Variants in SMAD6 observed in about 807,000 individuals in gnomAD.
The protein encoded by SMAD6 is MAD homolog 6.
A neutral mutation model predicts 39.4 loss-of-function variants in SMAD6; 103 were observed. The observed-to-expected ratio is 2.62, with a 90% CI of 2.23 to 3.08. SMAD6 has a LOEUF of 3.08. Ranked by LOEUF, SMAD6 falls within the 30% of genes most tolerant of loss-of-function variation. The pLI is 0.00. For synonymous variants in SMAD6, 445 were observed against 353.3 expected (o/e 1.26, Z -2.91); for missense variants, 1,104 against 742.9 (o/e 1.49, Z -5.65).
At chr15:66,705,770 GGA>G (rs2140586027) in intron 1 of SMAD6, 1 of 153,126 alleles carries the variant, frequency 6.5e-6, no homozygotes, top group Non-Finnish European at 1.5e-5. Flanking sequence ...GATTTATGGG[GGA>G]GAGATGGGGG....
intron 3 of SMAD6, among the ~76,000 whole-genome samples, chr15:66,730,709 T>C (rs1201105159): frequency 6.6e-6 from 1 of 152,224 alleles, no homozygotes; most frequent in Non-Finnish European, 1.5e-5. Flanking sequence ...TGGCAGACAC[T>C]GTGCTGTTTC....
At position 66,782,779 on chromosome 15, in the gene SMAD6, T is replaced by A. The variant is rs1263912641; in HGVS notation, c.*1244T>A. The A allele has an allele frequency of 6.6e-6, 1 of 152,270 alleles. No homozygotes were observed. The highest frequency in any genetic ancestry group is 1.5e-5 in the Non-Finnish European group (1 of 68,042). The allele number at this position is 152,270 out of a possible 1,614,324, so 9.4% of individuals were successfully genotyped here. On this transcript the variant is annotated 3_prime_UTR_variant, in exon 4 of 4. Coordinates refer to ENST00000288840, the MANE Select transcript of SMAD6 (RefSeq NM_005585.5). ...ATATCTTTTTTCTTGGAGATTTATA[T>A]TAACATATTAAGTGCTCTGAGAAGT...
At chr15:66,755,018 C>G (rs1044281947) in intron 3 of SMAD6, among the ~76,000 whole-genome samples, 1 of 152,180 alleles carries the variant, frequency 6.6e-6, no homozygotes, top group African/African-American at 2.4e-5. Flanking sequence ...AGGCAAACAC[C>G]TTACCTTCTC....
Position 66,747,993 on chromosome 15 carries a change from G to A in SMAD6, c.952+31495G>A, listed in dbSNP as rs1237001825. Among the ~76,000 whole-genome samples the A allele has an allele frequency of 6.6e-6, 1 of 152,146 alleles. No individual in the cohort carries two copies. Among genetic ancestry groups the A allele is most frequent in the Non-Finnish European group, 1.5e-5 (1 of 68,032 alleles). ...CACAGCCACCCCCACGCCCTAACTT[G>A]CCCCATTGTAGCCAGACCACTCCTT... On this transcript the variant is annotated intron_variant, in intron 3 of 3. Transcript: ENST00000288840. The surrounding 1 kb of genome is among the most constrained non-coding windows in gnomAD (Gnocchi z 4.5).
chr15:66,781,443 A>G lies in SMAD6; in HGVS notation c.1399A>G (p.Ser467Gly). 6.2e-7 allele frequency: 1 copy of G among 1,605,208 alleles called. No homozygotes were observed. The highest frequency in any genetic ancestry group is 8.5e-7 in the Non-Finnish European group (1 of 1,178,154). The change falls in exon 4 of 4, where the codon AGC becomes GGC. Residue 467 changes from serine (S) to glycine (G), a missense_variant. Coordinates refer to ENST00000288840, the MANE Select transcript of SMAD6 (RefSeq NM_005585.5). ...GPYDPNSVRISFAKGWGPCYS... is the reference protein window; with the variant it reads ...GPYDPNSVRIGFAKGWGPCYS... The stretch of plus-strand genomic sequence containing the variant: ...CTACGACCCCAACAGCGTCCGCATC[A>G]GCTTCGCCAAGGGCTGGGGGCCCTG...
rs1894459705 is a variant in SMAD6 at position 66,775,932 on chromosome 15, G to C, written c.953-5065G>C. 2.0e-5 allele frequency among the ~76,000 whole-genome samples: 3 copies of C among 152,304 alleles called. No homozygotes were observed. In the South Asian group the frequency reaches 6.2e-4, roughly 32 times the overall value. On this transcript the variant is annotated intron_variant, in intron 3 of 3. Transcript: ENST00000288840. Reference sequence around the variant, plus strand: ...CAGGGGGAGGGGGCTGTGCAGCTGTGGGAAGTACAGAGTGGGGACCATGGG... The same window carrying C: ...CAGGGGGAGGGGGCTGTGCAGCTGTCGGAAGTACAGAGTGGGGACCATGGG...
chr15:66,714,200 A>G (rs1893284007), intron 2 of SMAD6, among the ~76,000 whole-genome samples: 1 of 152,184 alleles, frequency 6.6e-6, no homozygotes, highest in South Asian at 2.1e-4. Context: ...AGCAGCAAAA[A>G]TCAGGACACT....
chr15:66,735,586 T>TG (rs1395214981), intron 3 of SMAD6, among the ~76,000 whole-genome samples: 2 of 152,230 alleles, frequency 1.3e-5, no homozygotes, highest in Non-Finnish European at 2.9e-5. Flanking sequence ...CAAAGTTTAT[T>TG]GGGGGGCGTG....
intron 3 of SMAD6, among the ~76,000 whole-genome samples, chr15:66,731,444 A>AT: frequency 6.6e-6 from 1 of 151,720 alleles, no homozygotes; most frequent in East Asian, 1.9e-4. Flanking sequence ...TCTCAAAAAA[A>AT]AAAAAAAAAA....
Position 66,757,350 on chromosome 15 carries a change from G to A in SMAD6, c.953-23647G>A, listed in dbSNP as rs74019778. ...AGCAAGAAATGCCGCTTTCCTTTCA[G>A]CTTGGGGATCCCCTCCAGCCACCCT... is the stretch of plus-strand genomic sequence containing the variant. On this transcript the variant is annotated intron_variant, in intron 3 of 3. Coordinates refer to ENST00000288840, the MANE Select transcript of SMAD6 (RefSeq NM_005585.5). Among the ~76,000 whole-genome samples the A allele has an allele frequency of 5.0e-3, 758 of 152,266 alleles. 9 individuals are homozygous for A. The highest frequency in any genetic ancestry group is 0.017 in the African/African-American group (719 of 41,560).
chr15:66,745,592 A>G (rs1351149786), intron 3 of SMAD6, among the ~76,000 whole-genome samples: 1 of 152,170 alleles, frequency 6.6e-6, no homozygotes, highest in African/African-American at 2.4e-5. Flanking sequence ...TATTTTGGTG[A>G]TCAGACTACT....
At position 66,703,723 on chromosome 15, in the gene SMAD6, C is replaced by T. The variant is rs1263618238; in HGVS notation, c.465C>T (p.Gly155=). The T allele has an allele frequency of 3.7e-6, 5 of 1,350,498 alleles. No individual in the cohort carries two copies. Among genetic ancestry groups the T allele is most frequent in the South Asian group, 1.8e-5 (1 of 56,942 alleles). 83.7% of individuals were successfully genotyped at this position (1,350,498 alleles called of 1,614,324 possible). A position where few individuals can be genotyped will look rare whatever the true frequency, so the allele number is the denominator to read the frequency against. ...GGGCGGCCCTGGAGCCGGCGGGCGG[C>T]GGGCGGAGTCGCGAAGCGCGCTCGC... is the stretch of plus-strand genomic sequence containing the variant. ...LAGAALEPAG[G]GRSREARSRL... Residue 155 remains glycine (G), a synonymous_variant, in exon 1 of 4, where the codon GGC becomes GGT. Coordinates refer to ENST00000288840, the MANE Select transcript of SMAD6 (RefSeq NM_005585.5).
chr15:66,726,085 C>T (rs1227359691), intron 3 of SMAD6, among the ~76,000 whole-genome samples: 3 of 152,204 alleles, frequency 2.0e-5, no homozygotes, highest in Non-Finnish European at 4.4e-5. Context: ...CCTGAGGAGG[C>T]TACTGGGCCC....
chr15:66,745,726 G>A (rs1893896109), intron 3 of SMAD6, among the ~76,000 whole-genome samples: 1 of 152,170 alleles, frequency 6.6e-6, no homozygotes, highest in South Asian at 2.1e-4. Flanking sequence ...CTCTGCCTCC[G>A]GCTTGCTGTG....
At chr15:66,739,533 G>A (rs56874384) in intron 3 of SMAD6, among the ~76,000 whole-genome samples, 3,020 of 152,300 alleles carry the variant, frequency 0.02, 97 homozygotes, top group African/African-American at 0.069. Flanking sequence ...AGGTGTTGGC[G>A]GAGGGGAGGG....
chr15:66,714,558 C>G lies in SMAD6; in HGVS notation c.875-1863C>G, dbSNP rs543384785. Among the ~76,000 whole-genome samples, 11 of 152,250 alleles carry G rather than the reference C, an allele frequency of 7.2e-5. 1 individual carries two copies. In the South Asian group the frequency reaches 2.1e-3, roughly 29 times the overall value. On this transcript the variant is annotated intron_variant, in intron 2 of 3. Coordinates refer to ENST00000288840, the MANE Select transcript of SMAD6 (RefSeq NM_005585.5). Reference sequence around the variant, plus strand: ...TAGTTGCAGCAGAGGCCGTATAGTTCACAAAGCTGAAAATATTAACCTCTG... The same window carrying G: ...TAGTTGCAGCAGAGGCCGTATAGTTGACAAAGCTGAAAATATTAACCTCTG...
At chr15:66,748,656 C>G (rs1409576009) in intron 3 of SMAD6, among the ~76,000 whole-genome samples, 1 of 152,176 alleles carries the variant, frequency 6.6e-6, no homozygotes, top group Non-Finnish European at 1.5e-5. Flanking sequence ...TCCCTCTCTT[C>G]ACTTCATTAG....
chr15:66,715,186 A>C (rs1427077045), intron 2 of SMAD6, among the ~76,000 whole-genome samples: 3 of 152,010 alleles, frequency 2.0e-5, no homozygotes, highest in African/African-American at 7.3e-5. Flanking sequence ...TTTCATAAAC[A>C]AAAAGCCAGT....
chr15:66,710,374 C>T (rs1027404161), intron 1 of SMAD6, among the ~76,000 whole-genome samples: 1 of 152,174 alleles, frequency 6.6e-6, no homozygotes, highest in African/African-American at 2.4e-5. Flanking sequence ...ACTTTTCCTT[C>T]TCCCTAATTT....
Sources: gnomAD v4.1 joint callset for allele counts (sites outside exome capture counted in the v4.1 genomes callset) on GRCh38, gnomAD v4.1.1 for gene constraint, Gnocchi (gnomAD v3.1) non-coding constraint, MANE v1.5 for transcripts, NCBI Gene and HGNC (gene_info 2026-07-23, HGNC 2026-07-21) for gene names.